MTUS1: variants seen among roughly 807,000 people sequenced by gnomAD.
MTUS1 encodes the protein microtubule associated scaffold protein 1, also known as microtubule-associated tumor suppressor 1.
MTUS1 carries 109 observed loss-of-function variants against 120.8 expected under a neutral mutation model. The observed-to-expected ratio is 0.90, with a 90% CI of 0.77 to 1.06. The LOEUF (loss-of-function observed/expected upper bound fraction) is 1.06, where lower values mean the gene tolerates loss of function less well. MTUS1 is among the 50% of genes least tolerant of loss of function. MTUS1 has a pLI of 0.00. For missense variants in MTUS1, 2,210 were observed against 1,486.3 expected (o/e 1.49, Z -8.01); for synonymous variants, 737 against 550.5 (o/e 1.34, Z -4.74).
chr8:17,743,780 G>C lies in MTUS1; in HGVS notation c.2111C>G (p.Thr704Arg). The C allele has an allele frequency of 6.2e-7, 1 of 1,613,784 alleles. No homozygotes were observed. Among genetic ancestry groups the C allele is most frequent in the Non-Finnish European group, 8.5e-7 (1 of 1,179,886 alleles). The change falls in exon 3 of 15, where the codon ACG becomes AGG. Residue 704 changes from threonine (T) to arginine (R), a missense_variant. Thr to Arg is a moderately conservative substitution (Grantham distance 71, BLOSUM62 -1). Coordinates refer to ENST00000693296, the MANE Select transcript of MTUS1 (RefSeq NM_001363059.2). ...GGATATATTCCTACCTGAGGTGGTC[G>C]TTGTTTTTGAAGCAGAGCCCTGTGA... Reference protein sequence around the residue: ...SLFLGSASKTTTTSGRNISKP... With the variant: ...SLFLGSASKTRTTSGRNISKP...
At chr8:17,759,006 C>T (rs2048836027) in intron 1 of MTUS1, among the ~76,000 whole-genome samples, 3 of 152,166 alleles carry the variant, frequency 2.0e-5, no homozygotes, top group South Asian at 2.1e-4. Context: ...CTCAGCCTCC[C>T]GAGTAGCTGG....
chr8:17,696,868 T>A (rs1188169003), intron 6 of MTUS1, among the ~76,000 whole-genome samples: 1 of 150,328 alleles, frequency 6.7e-6, no homozygotes, highest in Non-Finnish European at 1.5e-5. Flanking sequence ...TGAAAAACGA[T>A]GGGAACCTTC....
intron 6 of MTUS1, among the ~76,000 whole-genome samples, chr8:17,687,477 T>G (rs1816069121): frequency 6.6e-6 from 1 of 152,224 alleles, no homozygotes; most frequent in African/African-American, 2.4e-5. Context: ...AACTTTGCCC[T>G]TACCCTTGCT....
rs1818247729 is a variant in MTUS1 at position 17,697,624 on chromosome 8, C to G, written c.2624-13082G>C. On this transcript the variant is annotated intron_variant, in intron 6 of 14. Coordinates refer to ENST00000693296, the MANE Select transcript of MTUS1 (RefSeq NM_001363059.2). ...ATGATGCTCTTCCTCTGAATACAAT[C>G]TCCCTCCTGCAGGTCTAGAAGCTGC... 2.4e-6 allele frequency: 3 copies of G among 1,247,652 alleles called. No individual in the cohort carries two copies. The African/African-American group carries it at 4.5e-5, about 19-fold the overall frequency. The allele number at this position is 1,247,652 out of a possible 1,614,324, so 77.3% of individuals were successfully genotyped here. A position where few individuals can be genotyped will look rare whatever the true frequency, so the allele number is the denominator to read the frequency against.
At chr8:17,649,113 G>T (rs891477683) in intron 13 of MTUS1, among the ~76,000 whole-genome samples, 1 of 151,826 alleles carries the variant, frequency 6.6e-6, no homozygotes, top group Non-Finnish European at 1.5e-5. Context: ...TTTTGAGATG[G>T]AGTCTTGCTA....
chr8:17,767,882 G>A (rs1041478561), intron 1 of MTUS1, among the ~76,000 whole-genome samples: 3 of 152,092 alleles, frequency 2.0e-5, no homozygotes, highest in East Asian at 1.9e-4. Context: ...GCTTCGAATT[G>A]GCTAAAGGTG....
intron 1 of MTUS1, among the ~76,000 whole-genome samples, chr8:17,760,678 C>A (rs2048973083): frequency 6.6e-6 from 1 of 152,134 alleles, no homozygotes; most frequent in Admixed American, 6.5e-5. Flanking sequence ...TCACCTGACT[C>A]ATAAGCAAAG....
chr8:17,800,181 C>T (rs1464237514), intron 1 of MTUS1, among the ~76,000 whole-genome samples: 1 of 151,804 alleles, frequency 6.6e-6, no homozygotes, highest in African/African-American at 2.4e-5. Flanking sequence ...TTTTTAATCC[C>T]CTCCCTCCTG....
upstream of MTUS1, chr8:17,801,411 C>G (rs1429304534): frequency 1.3e-5 from 2 of 151,792 alleles, no homozygotes; most frequent in Non-Finnish European, 2.9e-5. Flanking sequence ...GGCCAGCCGC[C>G]GTCCCAGGGG....
At chr8:17,662,680 C>G (rs1810016419) in intron 8 of MTUS1, among the ~76,000 whole-genome samples, 1 of 151,822 alleles carries the variant, frequency 6.6e-6, no homozygotes, top group African/African-American at 2.4e-5. Context: ...TTCCATTAGT[C>G]TATTTTTTAA....
At chr8:17,782,728 T>C (rs1177053983) in intron 1 of MTUS1, among the ~76,000 whole-genome samples, 2 of 152,336 alleles carry the variant, frequency 1.3e-5, no homozygotes, top group South Asian at 4.1e-4. Flanking sequence ...ACCACAAGTC[T>C]ACAGTGTAAA....
chr8:17,742,470 C>G (rs915429195), intron 3 of MTUS1, among the ~76,000 whole-genome samples: 19 of 151,784 alleles, frequency 1.3e-4, no homozygotes, highest in Admixed American at 7.9e-4. Flanking sequence ...GGCAATATCC[C>G]AAATAAGAAT....
In MTUS1 at chr8:17,679,480, ATTTTT is replaced by A. The variant is rs1286305767; in HGVS notation, c.2839-4233_2839-4229del. 3.5e-4 allele frequency among the ~76,000 whole-genome samples: 33 copies of A among 94,426 alleles called. 1 individual carries two copies. Among genetic ancestry groups the A allele is most frequent in the Middle Eastern group, 0.014 (2 of 140 alleles). The allele number at this position is 94,426 out of a possible 152,430, so 61.9% of individuals were successfully genotyped here. A position where few individuals can be genotyped will look rare whatever the true frequency, so the allele number is the denominator to read the frequency against. On this transcript the variant is annotated intron_variant, in intron 7 of 14. Transcript: ENST00000693296. ...TACCCATGATTTTTTTTCTCCAACT[ATTTTT>A]ATTTTATTTATTTATTTATTTATTT...
At chr8:17,668,088 G>C (rs1176669525) in intron 8 of MTUS1, among the ~76,000 whole-genome samples, 3 of 150,530 alleles carry the variant, frequency 2.0e-5, no homozygotes, top group African/African-American at 7.3e-5. Context: ...AAATAATTTT[G>C]AAATACAAAA....
At chr8:17,658,968 T>TAA (rs35243233) in intron 8 of MTUS1, among the ~76,000 whole-genome samples, 10 of 150,938 alleles carry the variant, frequency 6.6e-5, no homozygotes, top group South Asian at 2.1e-4. Flanking sequence ...GATTTAACAT[T>TAA]AAAAAAAAAT....
intron 6 of MTUS1, among the ~76,000 whole-genome samples, chr8:17,686,090 C>T (rs1815738361): frequency 6.6e-6 from 1 of 152,214 alleles, no homozygotes; most frequent in African/African-American, 2.4e-5. Flanking sequence ...GTGTTTCGCT[C>T]ATCACAGTGT....
chr8:17,676,186 T>A, intron 7 of MTUS1: 1 of 695,962 alleles, frequency 1.4e-6, no homozygotes, highest in South Asian at 1.5e-5. Context: ...GAGTTGCTTG[T>A]CATTCAAAGC....
At chr8:17,655,526 C>G (rs968476536) in intron 9 of MTUS1, among the ~76,000 whole-genome samples, 9 of 152,216 alleles carry the variant, frequency 5.9e-5, no homozygotes, top group Admixed American at 5.2e-4. Context: ...GAGTTTGAGA[C>G]CAGCCTGGCC....
chr8:17,765,899 C>T (rs2049449542), intron 1 of MTUS1, among the ~76,000 whole-genome samples: 1 of 152,054 alleles, frequency 6.6e-6, no homozygotes, highest in African/African-American at 2.4e-5. Flanking sequence ...TAACAACAAA[C>T]AGAAATAGCA....
Sources: allele counts gnomAD v4.1 joint callset (sites outside exome capture counted in the v4.1 genomes callset), GRCh38; gene constraint gnomAD v4.1.1; transcripts MANE v1.5; gene names NCBI Gene and HGNC (gene_info 2026-07-23, HGNC 2026-07-21).